ASTN2: variants seen among roughly 807,000 people sequenced by gnomAD.
ASTN2 encodes the protein astrotactin-2.
In ASTN2, 54 loss-of-function variants were observed where a neutral mutation model predicts 139.8. The ratio of observed to expected loss-of-function variants is 0.39; its 90% CI spans 0.31 to 0.48. The LOEUF is 0.48. ASTN2 is among the 20% of genes least tolerant of loss of function. The pLI, the probability that ASTN2 is intolerant of heterozygous loss-of-function variation, is 0.95. For missense variants in ASTN2, 1,565 were observed against 1,725.1 expected, an observed-to-expected ratio of 0.91 and a Z score of 1.64; for synonymous variants, 756 against 719.5, an observed-to-expected ratio of 1.05 and a Z score of -0.81.
intron 16 of ASTN2, chr9:116,697,674 C>A: frequency 1.9e-6 from 3 of 1,593,548 alleles, no homozygotes; most frequent in South Asian, 2.2e-5. Flanking sequence ...GGAATTTGAC[C>A]CTCTAGGGCA....
chr9:116,575,487 G>A (rs938709891), intron 19 of ASTN2, among the ~76,000 whole-genome samples: 2 of 152,110 alleles, frequency 1.3e-5, no homozygotes, highest in Admixed American at 1.3e-4. Flanking sequence ...AGCTTCCATT[G>A]AGTCTTAATT....
chr9:117,116,020 G>A (rs534601960), intron 4 of ASTN2, among the ~76,000 whole-genome samples: 16 of 91,708 alleles, frequency 1.7e-4, no homozygotes, highest in South Asian at 7.4e-4. Flanking sequence ...GTGAGACTCC[G>A]CCTCAAAAAA....
intron 17 of ASTN2, among the ~76,000 whole-genome samples, chr9:116,637,622 G>C (rs1857135620): frequency 6.6e-6 from 1 of 152,120 alleles, no homozygotes. Flanking sequence ...GACAAGAAAT[G>C]TATAGAAAAA....
At position 117,016,589 on chromosome 9, in the gene ASTN2, G is replaced by GTT. The variant is rs1307663606; in HGVS notation, c.1424-8332_1424-8331dup. Among the ~76,000 whole-genome samples the GTT allele has an allele frequency of 2.1e-3, 95 of 46,266 alleles. 2 individuals carry two copies. The highest frequency in any genetic ancestry group is 3.2e-3 in the African/African-American group (44 of 13,780). The allele number at this position is 46,266 out of a possible 152,430, so 30.4% of individuals were successfully genotyped here. On this transcript the variant is annotated intron_variant, in intron 6 of 22. Transcript: ENST00000313400. ...TCCACTGGGATTTGGGGTATTCTAG[G>GTT]TTTTATATATATATCTATATCTATA...
rs73657146 is a variant in ASTN2, at chr9:116,525,765, G to C, written c.3356-38265C>G. ...GCTTAAGCAAAACTCCTACTATACT[G>C]TCTCCTTGTTGAAAGGTCGTTAATA... is the stretch of plus-strand genomic sequence containing the variant. On this transcript the variant is annotated intron_variant, in intron 19 of 22. Coordinates refer to ENST00000313400, the MANE Select transcript of ASTN2 (RefSeq NM_001365068.1). Among the ~76,000 whole-genome samples, 1,413 of 152,178 alleles carry C rather than the reference G, an allele frequency of 9.3e-3. 25 individuals are homozygous for C. Among genetic ancestry groups the C allele is most frequent in the African/African-American group, 0.033 (1,357 of 41,518 alleles).
rs576295101 is a variant in ASTN2 at position 116,424,835 on chromosome 9, T to C, written c.*1016A>G. Among the ~76,000 whole-genome samples the C allele has an allele frequency of 1.6e-3, 242 of 152,228 alleles. No homozygotes were observed. The highest frequency in any genetic ancestry group is 2.5e-3 in the African/African-American group (102 of 41,548). ...AACTCCTGGCCTCAAGTGATCCACCTGCCCTGGCCTCCCAAAGTGCTAGGA... is the reference window on the plus strand; with the variant it reads ...AACTCCTGGCCTCAAGTGATCCACCCGCCCTGGCCTCCCAAAGTGCTAGGA... On this transcript the variant is annotated 3_prime_UTR_variant, in exon 23 of 23. Coordinates refer to ENST00000313400, the MANE Select transcript of ASTN2 (RefSeq NM_001365068.1).
intron 5 of ASTN2, among the ~76,000 whole-genome samples, chr9:117,063,272 T>C (rs1031024919): frequency 6.6e-6 from 1 of 152,212 alleles, no homozygotes; most frequent in African/African-American, 2.4e-5. Context: ...TCTGAACACC[T>C]GGTGATATGG....
chr9:116,723,014 A>C (rs1828515261), intron 16 of ASTN2, among the ~76,000 whole-genome samples: 1 of 152,096 alleles, frequency 6.6e-6, no homozygotes, highest in Non-Finnish European at 1.5e-5. Context: ...AAATAGAAAA[A>C]ATTAGCCGGG....
chr9:117,025,189 A>G (rs1001432333), intron 6 of ASTN2, among the ~76,000 whole-genome samples: 11 of 152,174 alleles, frequency 7.2e-5, no homozygotes, highest in Admixed American at 7.2e-4. Flanking sequence ...CTGGGCCTTC[A>G]GGAAATAGCT....
intron 3 of ASTN2, among the ~76,000 whole-genome samples, chr9:117,143,022 C>T (rs895024772): frequency 2.6e-5 from 4 of 152,186 alleles, no homozygotes; most frequent in South Asian, 2.1e-4. Context: ...ATTTCTAAGG[C>T]GCTCCTGTTT....
chr9:117,283,706 C>T (rs1368197910), intron 2 of ASTN2, among the ~76,000 whole-genome samples: 1 of 152,196 alleles, frequency 6.6e-6, no homozygotes, highest in Non-Finnish European at 1.5e-5. Flanking sequence ...AATAATCCCT[C>T]TCAGGATCTG....
chr9:117,190,598 C>G (rs1418680134), intron 3 of ASTN2, among the ~76,000 whole-genome samples: 1 of 152,094 alleles, frequency 6.6e-6, no homozygotes, highest in African/African-American at 2.4e-5. Context: ...TTCTAGTGCT[C>G]TCTCTCTCAA....
chr9:117,330,801 G>A (rs1828683586), intron 1 of ASTN2, among the ~76,000 whole-genome samples: 1 of 152,178 alleles, frequency 6.6e-6, no homozygotes, highest in Non-Finnish European at 1.5e-5. Context: ...CCTGTCTAAA[G>A]GGATATAAAT....
chr9:116,731,423 T>G (rs1421585855), intron 14 of ASTN2, among the ~76,000 whole-genome samples: 1 of 152,064 alleles, frequency 6.6e-6, no homozygotes, highest in African/African-American at 2.4e-5. Context: ...TGTTTTGTTT[T>G]GTTTTGTTTT....
intron 3 of ASTN2, chr9:117,180,942 G>A: frequency 1.3e-6 from 2 of 1,597,452 alleles, no homozygotes; most frequent in Non-Finnish European, 8.5e-7. Flanking sequence ...GGATGGACAT[G>A]ATAACTTGGC....
intron 19 of ASTN2, among the ~76,000 whole-genome samples, chr9:116,556,288 T>C (rs1259480148): frequency 6.6e-6 from 1 of 152,170 alleles, no homozygotes; most frequent in Non-Finnish European, 1.5e-5. Context: ...GTGACAAAAG[T>C]TGGGGTGGAG....
intron 17 of ASTN2, among the ~76,000 whole-genome samples, chr9:116,630,594 C>A (rs1056335675): frequency 6.6e-6 from 1 of 151,918 alleles, no homozygotes; most frequent in South Asian, 2.1e-4. Flanking sequence ...TCCTTCTTTG[C>A]GACAACCAAA....
chr9:117,003,530 G>GGTGT (rs11271769), intron 7 of ASTN2, among the ~76,000 whole-genome samples: 16 of 103,272 alleles, frequency 1.5e-4, no homozygotes, highest in African/African-American at 3.9e-4. Context: ...TCTAAAGAGT[G>GGTGT]GTGTGTGTGT....
At chr9:117,410,744 A>G (rs572809266) in intron 1 of ASTN2, among the ~76,000 whole-genome samples, 47 of 152,234 alleles carry the variant, frequency 3.1e-4, no homozygotes, top group African/African-American at 1.1e-3. Flanking sequence ...CTCCAATTCT[A>G]CAGAGATGCC....
Sources: allele counts gnomAD v4.1 joint callset (sites outside exome capture counted in the v4.1 genomes callset), GRCh38; gene constraint gnomAD v4.1.1; transcripts MANE v1.5; gene names NCBI Gene and HGNC (gene_info 2026-07-23, HGNC 2026-07-21).